PTPRN2: variants seen among roughly 807,000 people sequenced by gnomAD.
The protein encoded by PTPRN2 is receptor-type tyrosine-protein phosphatase N2.
PTPRN2 carries 74 observed loss-of-function variants against 118.8 expected under a neutral mutation model. The ratio of observed to expected loss-of-function variants is 0.62; its 90% CI spans 0.52 to 0.76. The LOEUF (loss-of-function observed/expected upper bound fraction) is 0.76. Ranked by LOEUF, PTPRN2 falls within the 30% of genes least tolerant of loss-of-function variation. PTPRN2 has a pLI of 0.00. For synonymous variants in PTPRN2, 641 were observed against 608.0 expected (o/e 1.05, Z -0.80); for missense variants, 1,481 against 1,394.4 (o/e 1.06, Z -0.99).
At position 157,676,417 on chromosome 7, in the gene PTPRN2, T is replaced by C. The variant is rs1796671353; in HGVS notation, c.2001+6308A>G. ...CACCTCCTAGTGATGCGTGGACTAA[T>C]GCTGTTTACCGCCGGTTCACTTTCA... On this transcript the variant is annotated intron_variant, in intron 13 of 22. Coordinates refer to ENST00000389418, the MANE Select transcript of PTPRN2 (RefSeq NM_002847.5). The surrounding 1 kb of genome is among the most constrained non-coding windows in gnomAD (Gnocchi z 5.6). Among the ~76,000 whole-genome samples the C allele has an allele frequency of 6.6e-6, 1 of 152,224 alleles. No individual in the cohort carries two copies. Among genetic ancestry groups the C allele is most frequent in the East Asian group, 1.9e-4 (1 of 5,194 alleles).
chr7:158,072,736 C>T (rs112566316), intron 11 of PTPRN2, among the ~76,000 whole-genome samples: 10,052 of 152,284 alleles, frequency 0.066, 462 homozygotes, highest in Non-Finnish European at 0.11. Flanking sequence ...CACCAACTGC[C>T]AAGGGGTTTG....
intron 1 of PTPRN2, 52 bp from the exon 2 acceptor site, chr7:158,489,837 G>A: frequency 6.6e-7 from 1 of 1,506,310 alleles, no homozygotes; most frequent in Admixed American, 2.0e-5. Flanking sequence ...GGAGGGGGGT[G>A]CCCCCGAGGC....
chr7:158,004,999 A>G (rs1474503100), intron 11 of PTPRN2, among the ~76,000 whole-genome samples: 2 of 152,170 alleles, frequency 1.3e-5, no homozygotes, highest in South Asian at 2.1e-4. Context: ...CTTTCCTCAC[A>G]AGCCTCAGCA....
At chr7:157,854,844 G>C (rs934948452) in intron 12 of PTPRN2, 1 of 161,660 alleles carries the variant, frequency 6.2e-6, no homozygotes, top group Non-Finnish European at 1.4e-5. Flanking sequence ...ATGTCCCTCG[G>C]GGCCTTGGGG....
At chr7:158,545,563 T>C (rs957633725) in intron 1 of PTPRN2, among the ~76,000 whole-genome samples, 1 of 152,142 alleles carries the variant, frequency 6.6e-6, no homozygotes, top group Non-Finnish European at 1.5e-5. Context: ...GTGGGGCTGT[T>C]CACACCCCGC....
intron 11 of PTPRN2, among the ~76,000 whole-genome samples, chr7:157,963,699 C>G (rs1251996270): frequency 6.6e-6 from 1 of 152,232 alleles, no homozygotes; most frequent in Non-Finnish European, 1.5e-5. Flanking sequence ...ACCCCATCCC[C>G]AGGGCAGACG....
intron 9 of PTPRN2, among the ~76,000 whole-genome samples, chr7:158,120,293 A>G (rs1480750656): frequency 6.6e-6 from 1 of 152,192 alleles, no homozygotes; most frequent in Non-Finnish European, 1.5e-5. Flanking sequence ...CACAAATGTT[A>G]ACGCTACTGA....
At chr7:157,625,157 T>C (rs891956618) in intron 14 of PTPRN2, among the ~76,000 whole-genome samples, 7 of 152,244 alleles carry the variant, frequency 4.6e-5, no homozygotes, top group African/African-American at 1.2e-4. Context: ...ACAGCCACTA[T>C]AGAAAACAGT....
intron 3 of PTPRN2, among the ~76,000 whole-genome samples, chr7:158,256,479 G>A (rs1403843600): frequency 6.6e-6 from 1 of 152,238 alleles, no homozygotes; most frequent in African/African-American, 2.4e-5. Flanking sequence ...TTTAGATGGT[G>A]GACCATTGGC....
intron 6 of PTPRN2, among the ~76,000 whole-genome samples, chr7:158,165,255 G>A (rs7798359): frequency 0.63 from 92,228 of 145,370 alleles, 30,320 homozygotes; most frequent in East Asian, 0.79. Flanking sequence ...GACCATCAAG[G>A]AAAGGGGTTT....
At chr7:158,077,308 A>G (rs1346101927) in intron 11 of PTPRN2, among the ~76,000 whole-genome samples, 1 of 152,238 alleles carries the variant, frequency 6.6e-6, no homozygotes, top group African/African-American at 2.4e-5. Context: ...CCAGCTTCAC[A>G]AAGATGCCGA....
chr7:158,192,509 A>C lies in PTPRN2; in HGVS notation c.381-14T>G, dbSNP rs1031573660. 3.2e-6 allele frequency: 5 copies of C among 1,571,348 alleles called. No individual in the cohort carries two copies. In the African/African-American group the frequency reaches 7.0e-5, roughly 22 times the overall value. ...TGTTTTGAGGGCCTGAAAAAGCAAA[A>C]GAAACCAGACATCAACCGCATGTTT... On this transcript the variant is annotated splice_polypyrimidine_tract_variant and intron_variant, in intron 4 of 22. Coordinates refer to ENST00000389418, the MANE Select transcript of PTPRN2 (RefSeq NM_002847.5).
rs1216979686 is a variant in PTPRN2, at chr7:158,517,359, G to A, written c.113-27574C>T. 1.3e-5 allele frequency among the ~76,000 whole-genome samples: 2 copies of A among 152,088 alleles called. No homozygotes were observed. The highest frequency in any genetic ancestry group is 2.9e-5 in the Non-Finnish European group (2 of 68,006). The stretch of plus-strand genomic sequence containing the variant: ...CGACACCTATCACCGCCCACCACAG[G>A]CGCACTGTGGGCTGATGGGGTGGGC... On this transcript the variant is annotated intron_variant, in intron 1 of 22. Transcript: ENST00000389418. This position sits in a 1 kb window ranked among gnomAD's most constrained non-coding sequence, Gnocchi z 5.3.
intron 17 of PTPRN2, among the ~76,000 whole-genome samples, chr7:157,584,705 T>C (rs1346304022): frequency 6.6e-6 from 1 of 152,210 alleles, no homozygotes; most frequent in Non-Finnish European, 1.5e-5. Context: ...TGCAGCTAAA[T>C]TTAAAAGGAT....
intron 12 of PTPRN2, among the ~76,000 whole-genome samples, chr7:157,702,307 G>C (rs2150867110): frequency 6.6e-6 from 1 of 152,080 alleles, no homozygotes; most frequent in Non-Finnish European, 1.5e-5. Flanking sequence ...TGGTGTAACT[G>C]TTGCGGGCTC....
intron 3 of PTPRN2, among the ~76,000 whole-genome samples, chr7:158,279,834 G>A (rs113011768): frequency 0.03 from 4,614 of 152,298 alleles, 247 homozygotes; most frequent in African/African-American, 0.11. Context: ...AGCAGACACC[G>A]AGGCAGAGAA....
In PTPRN2 at chr7:158,312,034, G is replaced by GAC. The variant is rs561264154; in HGVS notation, c.277+4783_277+4784dup. Among the ~76,000 whole-genome samples, 10 of 140,944 alleles carry GAC rather than the reference G, an allele frequency of 7.1e-5. No homozygotes were observed. The East Asian group carries it at 1.1e-3, about 16-fold the overall frequency. 92.5% of individuals were successfully genotyped at this position (140,944 alleles called of 152,430 possible). On this transcript the variant is annotated intron_variant, in intron 3 of 22. Transcript: ENST00000389418. ...GCACATTCACATGCTCACGTGTAGA[G>GAC]ACACACACATGCACACACGTGCTCA...
chr7:157,558,465 C>T (rs145335470), intron 21 of PTPRN2, among the ~76,000 whole-genome samples: 13 of 152,352 alleles, frequency 8.5e-5, no homozygotes, highest in Middle Eastern at 3.4e-3. Flanking sequence ...CAAGCATGTG[C>T]GGTCAATGGC....
chr7:158,323,233 G>A lies in PTPRN2; in HGVS notation c.164-6301C>T, dbSNP rs568476603. ...TCCGATATCAGGGACTCAACGAACT[G>A]GGGGGCCTCACACCCCCAGAGTTCT... is the stretch of plus-strand genomic sequence containing the variant. On this transcript the variant is annotated intron_variant, in intron 2 of 22. Coordinates refer to ENST00000389418, the MANE Select transcript of PTPRN2 (RefSeq NM_002847.5). Among the ~76,000 whole-genome samples, 17 of 152,250 alleles carry A rather than the reference G, an allele frequency of 1.1e-4. No individual in the cohort carries two copies. The East Asian group carries it at 2.7e-3, about 24-fold the overall frequency.
Sources: gnomAD v4.1 joint callset for allele counts (sites outside exome capture counted in the v4.1 genomes callset) on GRCh38, gnomAD v4.1.1 for gene constraint, Gnocchi (gnomAD v3.1) non-coding constraint, MANE v1.5 for transcripts, NCBI Gene and HGNC (gene_info 2026-07-23, HGNC 2026-07-21) for gene names.